CCDC102B: variants seen among roughly 807,000 people sequenced by gnomAD.
CCDC102B encodes the protein coiled-coil domain containing 102B.
Under a neutral mutation model 57.4 loss-of-function variants are expected in CCDC102B, and 75 were observed. The ratio of observed to expected loss-of-function variants is 1.31; its 90% CI spans 1.08 to 1.58. CCDC102B has a LOEUF of 1.58. Among genes scored for constraint, CCDC102B ranks in the 40% most tolerant of loss-of-function variants. The pLI, the probability that CCDC102B is intolerant of heterozygous loss-of-function variation, is 0.00. For synonymous variants in CCDC102B, 206 were observed against 201.9 expected (o/e 1.02, Z -0.17); for missense variants, 636 against 582.6 (o/e 1.09, Z -0.94).
chr18:68,755,103 A>T (rs2034000632), intron 2 of CCDC102B: 1 of 152,142 alleles, frequency 6.6e-6, no homozygotes, highest in Admixed American at 6.6e-5. Flanking sequence ...TTTCATCTGG[A>T]TTTATTGGAA....
intron 5 of CCDC102B, among the ~76,000 whole-genome samples, chr18:68,890,900 A>G (rs2040051837): frequency 6.6e-6 from 1 of 152,198 alleles, no homozygotes; most frequent in African/African-American, 2.4e-5. Context: ...TATAATGAAT[A>G]AAGCTGCTAA....
intron 6 of CCDC102B, among the ~76,000 whole-genome samples, chr18:68,942,479 A>G (rs995823802): frequency 6.6e-6 from 1 of 152,048 alleles, no homozygotes; most frequent in African/African-American, 2.4e-5. Context: ...AGAGAGGGGA[A>G]TGTGGCAGGA....
At chr18:68,757,274 T>C (rs1309875253) in intron 2 of CCDC102B, among the ~76,000 whole-genome samples, 6 of 152,334 alleles carry the variant, frequency 3.9e-5, no homozygotes, top group African/African-American at 1.2e-4. Context: ...AGTGAGATTG[T>C]AGTTTCTAGT....
chr18:68,735,637 T>A (rs1316387923), intron 2 of CCDC102B, among the ~76,000 whole-genome samples: 1 of 152,174 alleles, frequency 6.6e-6, no homozygotes, highest in Non-Finnish European at 1.5e-5. Flanking sequence ...AATCTGGCAA[T>A]GAAAACCCAA....
At chr18:68,769,468 G>A (rs1471564616) in intron 2 of CCDC102B, among the ~76,000 whole-genome samples, 1 of 151,904 alleles carries the variant, frequency 6.6e-6, no homozygotes, top group Non-Finnish European at 1.5e-5. Context: ...ACACAATTAG[G>A]TCCATAGCAC....
At chr18:68,775,859 G>A (rs1159130896) in intron 2 of CCDC102B, among the ~76,000 whole-genome samples, 4 of 152,030 alleles carry the variant, frequency 2.6e-5, no homozygotes, top group African/African-American at 9.6e-5. Context: ...TCACCATGTT[G>A]GCCAGGATGG....
rs1376724945 is a variant in CCDC102B, at chr18:68,894,752, T to G, written c.1054-2467T>G. Among the ~76,000 whole-genome samples, 3 of 151,966 alleles carry G rather than the reference T, an allele frequency of 2.0e-5. No homozygotes were observed. In the East Asian group the frequency reaches 5.8e-4, roughly 29 times the overall value. ...TATTTATCAAATAATTTGTATGTTT[T>G]GATAAATCTGCCAATAGTAAAACAT... is the stretch of plus-strand genomic sequence containing the variant. On this transcript the variant is annotated intron_variant, in intron 5 of 7. Transcript: ENST00000360242.
At chr18:68,935,781 T>G (rs570614999) in intron 6 of CCDC102B, among the ~76,000 whole-genome samples, 2 of 151,270 alleles carry the variant, frequency 1.3e-5, no homozygotes, top group East Asian at 3.9e-4. Flanking sequence ...TGTTGAGGAG[T>G]AAGATGTGCA....
At chr18:68,882,540 A>C (rs2039728557) in intron 5 of CCDC102B, among the ~76,000 whole-genome samples, 2 of 152,244 alleles carry the variant, frequency 1.3e-5, no homozygotes, top group South Asian at 4.1e-4. Flanking sequence ...AAATTGGATT[A>C]AGTTATTGTA....
intron 1 of CCDC102B, among the ~76,000 whole-genome samples, chr18:68,799,133 G>A (rs1482527455): frequency 6.6e-6 from 1 of 151,934 alleles, no homozygotes; most frequent in Non-Finnish European, 1.5e-5. Flanking sequence ...AGTAAAATAT[G>A]TTATTGCCAA....
chr18:69,027,682 G>A (rs1466782990), intron 7 of CCDC102B, among the ~76,000 whole-genome samples: 2 of 148,960 alleles, frequency 1.3e-5, no homozygotes, highest in African/African-American at 2.5e-5. Context: ...TTTTTTTAAA[G>A]TTTCAGGCAA....
chr18:68,947,150 T>C (rs1271165273), intron 6 of CCDC102B, among the ~76,000 whole-genome samples: 2 of 152,018 alleles, frequency 1.3e-5, no homozygotes, highest in African/African-American at 4.8e-5. Context: ...AATTTATTTC[T>C]TCATGACCAT....
chr18:68,971,786 T>C (rs1463434011), intron 6 of CCDC102B, among the ~76,000 whole-genome samples: 1 of 152,136 alleles, frequency 6.6e-6, no homozygotes, highest in Non-Finnish European at 1.5e-5. Context: ...ACATACATCA[T>C]AGCATGTCAG....
At chr18:69,013,577 T>C (rs72959926) in intron 7 of CCDC102B, among the ~76,000 whole-genome samples, 5,416 of 152,244 alleles carry the variant, frequency 0.036, 134 homozygotes, top group East Asian at 0.12. Context: ...TAAGAAAATA[T>C]GTTGAAGTCT....
At chr18:68,974,104 T>C (rs2050372830) in intron 6 of CCDC102B, among the ~76,000 whole-genome samples, 1 of 152,100 alleles carries the variant, frequency 6.6e-6, no homozygotes, top group Non-Finnish European at 1.5e-5. Flanking sequence ...CTGGTCGAAG[T>C]CCTTTTTCCC....
intron 7 of CCDC102B, among the ~76,000 whole-genome samples, chr18:69,017,413 A>G (rs954433657): frequency 1.3e-5 from 2 of 152,162 alleles, no homozygotes; most frequent in Non-Finnish European, 2.9e-5. Context: ...GGCGTGAACC[A>G]TCTTGCCAGG....
chr18:68,799,712 G>C (rs1439711440), intron 1 of CCDC102B, among the ~76,000 whole-genome samples: 1 of 152,192 alleles, frequency 6.6e-6, no homozygotes, highest in East Asian at 1.9e-4. Flanking sequence ...GATAGGTGCT[G>C]AAAGCAAGAG....
intron 6 of CCDC102B, among the ~76,000 whole-genome samples, chr18:68,966,071 G>A (rs1019307237): frequency 5.9e-5 from 9 of 152,126 alleles, no homozygotes; most frequent in African/African-American, 1.2e-4. Flanking sequence ...TGGTCTCCAC[G>A]AACACTGTGG....
At position 68,850,541 on chromosome 18, in the gene CCDC102B, C is replaced by T. The variant is rs148624576; in HGVS notation, c.936+4120C>T. On this transcript the variant is annotated intron_variant, in intron 4 of 7. Transcript: ENST00000360242. ...TCATCAACCTGCCAATTCCCTCTTCCTTCTAGGTGGTTGAAGGGAAAGATA... is the reference window on the plus strand; with the variant it reads ...TCATCAACCTGCCAATTCCCTCTTCTTTCTAGGTGGTTGAAGGGAAAGATA... Among the ~76,000 whole-genome samples the T allele has an allele frequency of 1.4e-4, 21 of 152,160 alleles. No individual in the cohort carries two copies. In the East Asian group the frequency reaches 4.1e-3, roughly 29 times the overall value.
Sources: gnomAD v4.1 joint callset for allele counts (sites outside exome capture counted in the v4.1 genomes callset) on GRCh38, gnomAD v4.1.1 for gene constraint, MANE v1.5 for transcripts, NCBI Gene and HGNC (gene_info 2026-07-23, HGNC 2026-07-21) for gene names.